Variants in CCDC92 observed in about 807,000 individuals in gnomAD.
CCDC92 encodes coiled-coil domain-containing protein 92.
In CCDC92, 12 loss-of-function variants were observed where a neutral mutation model predicts 24.9. The observed-to-expected ratio is 0.48, with a 90% CI of 0.31 to 0.78. The LOEUF (loss-of-function observed/expected upper bound fraction) is 0.78, where lower values mean the gene tolerates loss of function less well. Ranked by LOEUF, CCDC92 falls within the 30% of genes least tolerant of loss-of-function variation. The probability of loss-of-function intolerance (pLI) is 0.05; values close to 1 mark genes in which losing one functional copy is unlikely to be tolerated. For missense variants in CCDC92, 399 were observed against 439.4 expected, an observed-to-expected ratio of 0.91 and a Z score of 0.82; for synonymous variants, 193 against 196.3, an observed-to-expected ratio of 0.98 and a Z score of 0.14.
chr12:123,951,927 C>T (rs1051715470), intron 1 of CCDC92, among the ~76,000 whole-genome samples: 1 of 152,188 alleles, frequency 6.6e-6, no homozygotes, highest in Non-Finnish European at 1.5e-5. Flanking sequence ...GCATCCAACA[C>T]CCCTTTGTTT....
At chr12:123,943,792 T>G in intron 2 of CCDC92, 1 of 492,326 alleles carries the variant, frequency 2.0e-6, no homozygotes, top group Non-Finnish European at 3.7e-6. Flanking sequence ...CATTTCCCTT[T>G]ACTCATGAGG....
intron 1 of CCDC92, among the ~76,000 whole-genome samples, chr12:123,956,022 G>A (rs1184922319): frequency 6.6e-6 from 1 of 152,206 alleles, no homozygotes; most frequent in African/African-American, 2.4e-5. Context: ...GCCCGTCTAT[G>A]AAAGGGGCCC....
intron 1 of CCDC92, chr12:123,945,763 G>A (rs1291446241): frequency 6.6e-6 from 1 of 152,296 alleles, no homozygotes; most frequent in African/African-American, 2.4e-5. Context: ...TAGCAGAGAT[G>A]CTTTCAAAGG....
chr12:123,940,871 G>T (rs946503897), intron 4 of CCDC92, among the ~76,000 whole-genome samples: 1 of 152,198 alleles, frequency 6.6e-6, no homozygotes, highest in Non-Finnish European at 1.5e-5. Context: ...GGGCAGTTTT[G>T]GGTGCACTAA....
intron 4 of CCDC92, among the ~76,000 whole-genome samples, chr12:123,939,278 AT>A (rs972869132): frequency 6.6e-6 from 1 of 151,998 alleles, no homozygotes; most frequent in South Asian, 2.1e-4. Flanking sequence ...CTTGCTTTGA[AT>A]TTTCCCACCT....
intron 1 of CCDC92, among the ~76,000 whole-genome samples, chr12:123,951,728 G>A (rs1479759471): frequency 6.6e-6 from 1 of 152,228 alleles, no homozygotes; most frequent in African/African-American, 2.4e-5. Flanking sequence ...GGCACTTTCT[G>A]TACCGCTCTG....
intron 2 of CCDC92, chr12:123,943,803 A>C: frequency 4.1e-6 from 2 of 486,804 alleles, no homozygotes; most frequent in Non-Finnish European, 7.4e-6. Context: ...ACTCATGAGG[A>C]AACAGATCAA....
At chr12:123,941,964 T>C (rs1181476280) in intron 4 of CCDC92, among the ~76,000 whole-genome samples, 1 of 152,264 alleles carries the variant, frequency 6.6e-6, no homozygotes, top group Non-Finnish European at 1.5e-5. Flanking sequence ...GTAAGACTGC[T>C]GGCGAGTTGC....
intron 4 of CCDC92, among the ~76,000 whole-genome samples, chr12:123,938,636 ATCC>A (rs1306764069): frequency 6.6e-6 from 1 of 152,090 alleles, no homozygotes; most frequent in Non-Finnish European, 1.5e-5. Context: ...CTGGCTGGCC[ATCC>A]TCCTTGCCTG....
intron 1 of CCDC92, among the ~76,000 whole-genome samples, chr12:123,958,360 C>T (rs1956198657): frequency 6.6e-6 from 1 of 152,164 alleles, no homozygotes; most frequent in Admixed American, 6.5e-5. Flanking sequence ...GCCAATTAAA[C>T]CCATTTTTTA....
chr12:123,960,526 A>G (rs1956247751), intron 1 of CCDC92, among the ~76,000 whole-genome samples: 1 of 152,192 alleles, frequency 6.6e-6, no homozygotes, highest in Non-Finnish European at 1.5e-5. Flanking sequence ...GTGAACTGTC[A>G]ATGCTGAGCC....
rs762385624 is a variant in CCDC92 at position 123,937,230 on chromosome 12, T to C, written c.824A>G (p.Glu275Gly). 5 of 1,610,088 alleles carry C rather than the reference T, an allele frequency of 3.1e-6. No homozygotes were observed. In the African/African-American group the frequency reaches 6.7e-5, roughly 21 times the overall value. Residue 275 changes from glutamate to glycine, a missense_variant, in exon 5 of 5, where the codon GAG becomes GGG. Transcript: ENST00000238156. The surrounding 1 kb of genome is among the most constrained non-coding windows in gnomAD (Gnocchi z 8.4). ...CTTTTCGCGGGCCGGGCTGTGCTGC[T>C]CGCCGCTTCGGTCGGAGGCGATGGG... The part of the protein sequence containing the change: ...IPPIASDRSG[E>G]QHSPAREKPH...
intron 1 of CCDC92, chr12:123,970,374 A>C (rs1956498247): frequency 2.0e-5 from 3 of 152,204 alleles, no homozygotes; most frequent in Non-Finnish European, 4.4e-5. Context: ...CTCACCATAA[A>C]CAACTTTTGC....
chr12:123,967,641 G>A (rs980606465), intron 1 of CCDC92, among the ~76,000 whole-genome samples: 1 of 152,236 alleles, frequency 6.6e-6, no homozygotes, highest in South Asian at 2.1e-4. Flanking sequence ...ATGTATGACA[G>A]AGATGGAACT....
At chr12:123,964,771 A>G (rs1956352876) in intron 1 of CCDC92, among the ~76,000 whole-genome samples, 1 of 152,234 alleles carries the variant, frequency 6.6e-6, no homozygotes, top group African/African-American at 2.4e-5. Flanking sequence ...ATTGCTTTTT[A>G]AAAATTCCAG....
Position 123,936,846 on chromosome 12 carries a change from C to CGTTT in CCDC92, c.*208_*211dup. On this transcript the variant is annotated 3_prime_UTR_variant, in exon 5 of 5. Transcript: ENST00000238156. ...AGAAGCAAGCGATTCGGCACACAGG[C>CGTTT]GTTTGGCCACAGCAATTAGGAAATA... 1.1e-5 allele frequency: 7 copies of CGTTT among 628,512 alleles called. No individual in the cohort carries two copies. Among genetic ancestry groups the CGTTT allele is most frequent in the Non-Finnish European group, 1.9e-5 (7 of 363,872 alleles). 38.9% of individuals were successfully genotyped at this position (628,512 alleles called of 1,614,324 possible).
chr12:123,955,434 T>TA (rs1248914591), intron 1 of CCDC92, among the ~76,000 whole-genome samples: 1 of 152,222 alleles, frequency 6.6e-6, no homozygotes, highest in African/African-American at 2.4e-5. Context: ...AAATACTTAA[T>TA]CTTAGCGCTT....
intron 1 of CCDC92, among the ~76,000 whole-genome samples, chr12:123,963,781 C>T (rs1393549250): frequency 2.6e-5 from 4 of 152,196 alleles, no homozygotes; most frequent in African/African-American, 9.6e-5. Flanking sequence ...GCTAGGTGTG[C>T]AGTTTCCACA....
chr12:123,966,748 C>T (rs1012326626), intron 1 of CCDC92: 4 of 152,226 alleles, frequency 2.6e-5, no homozygotes, highest in South Asian at 2.1e-4. Flanking sequence ...AGGCAGGTCC[C>T]GCTGGCATCC....
Sources: allele counts gnomAD v4.1 joint callset (sites outside exome capture counted in the v4.1 genomes callset), GRCh38; gene constraint gnomAD v4.1.1; non-coding constraint Gnocchi (gnomAD v3.1); transcripts MANE v1.5; gene names NCBI Gene and HGNC (gene_info 2026-07-23, HGNC 2026-07-21).